Variants in ZFAND3 observed in about 807,000 individuals in gnomAD.
The protein encoded by ZFAND3 is AN1-type zinc finger protein 3.
ZFAND3 carries 10 observed loss-of-function variants against 29.6 expected under a neutral mutation model. That is an observed-to-expected ratio of 0.34 (90% CI 0.21 to 0.57). The LOEUF is 0.57. Ranked by LOEUF, ZFAND3 falls within the 20% of genes least tolerant of loss-of-function variation. The probability of loss-of-function intolerance (pLI) is 0.86; values close to 1 mark genes in which losing one functional copy is unlikely to be tolerated. For missense variants in ZFAND3, 230 were observed against 304.5 expected, an observed-to-expected ratio of 0.76 and a Z score of 1.82; for synonymous variants, 128 against 112.6, an observed-to-expected ratio of 1.14 and a Z score of -0.87.
At chr6:37,927,871 A>G (rs1398855701) in intron 1 of ZFAND3, among the ~76,000 whole-genome samples, 1 of 152,246 alleles carries the variant, frequency 6.6e-6, no homozygotes, top group East Asian at 1.9e-4. Flanking sequence ...AGGTGTTGGA[A>G]TTAGACCAGA....
At chr6:38,106,911 T>C (rs1337716089) in intron 4 of ZFAND3, among the ~76,000 whole-genome samples, 1 of 152,198 alleles carries the variant, frequency 6.6e-6, no homozygotes, top group Non-Finnish European at 1.5e-5. Context: ...ACAGATCAAA[T>C]AAACTGGGAA....
intron 1 of ZFAND3, among the ~76,000 whole-genome samples, chr6:37,836,463 T>C (rs1381430257): frequency 1.3e-5 from 2 of 152,122 alleles, no homozygotes; most frequent in East Asian, 1.9e-4. Context: ...GGAGGTGATA[T>C]TTCAATGAAG....
At chr6:37,999,995 A>G (rs1762916899) in intron 2 of ZFAND3, among the ~76,000 whole-genome samples, 1 of 152,338 alleles carries the variant, frequency 6.6e-6, no homozygotes, top group Non-Finnish European at 1.5e-5. Flanking sequence ...ACTAAAAAAT[A>G]AAGCTTTATA....
intron 5 of ZFAND3, among the ~76,000 whole-genome samples, chr6:38,138,797 A>G (rs544239625): frequency 1.3e-5 from 2 of 152,360 alleles, no homozygotes; most frequent in Admixed American, 6.5e-5. Context: ...GAGATAAACT[A>G]ACAGAGGTCA....
intron 2 of ZFAND3, among the ~76,000 whole-genome samples, chr6:38,036,233 C>A (rs1763654265): frequency 6.6e-6 from 1 of 152,126 alleles, no homozygotes; most frequent in Admixed American, 6.5e-5. Flanking sequence ...TTTATGTGAA[C>A]CCAGGGGTGA....
At chr6:38,100,523 A>C (rs1240391392) in intron 4 of ZFAND3, among the ~76,000 whole-genome samples, 2 of 152,226 alleles carry the variant, frequency 1.3e-5, no homozygotes, top group African/African-American at 4.8e-5. Flanking sequence ...GTGAGTAATC[A>C]CTGAAGTGTA....
chr6:38,150,271 A>G (rs1163554825), intron 5 of ZFAND3, among the ~76,000 whole-genome samples: 1 of 152,220 alleles, frequency 6.6e-6, no homozygotes, highest in Non-Finnish European at 1.5e-5. Flanking sequence ...CAGAAATTGC[A>G]TCTCTGTTCT....
At position 38,013,739 on chromosome 6, in the gene ZFAND3, A is replaced by AC. The variant is rs138268556; in HGVS notation, c.113-47854_113-47853insC. On this transcript the variant is annotated intron_variant, in intron 2 of 5. Transcript: ENST00000287218. The stretch of plus-strand genomic sequence containing the variant: ...AAAACTGGAGAGTTAAAAAAAAAAC[A>AC]AAAAAAACCTCCAATGTCCAGGTTA... Among the ~76,000 whole-genome samples, 8 of 149,170 alleles carry AC rather than the reference A, an allele frequency of 5.4e-5. No homozygotes were observed. In the South Asian group the frequency reaches 1.1e-3, roughly 20 times the overall value.
chr6:38,056,056 GA>G (rs1162550339), intron 2 of ZFAND3, among the ~76,000 whole-genome samples: 4 of 152,146 alleles, frequency 2.6e-5, no homozygotes, highest in African/African-American at 9.7e-5. Flanking sequence ...AATAGAATTT[GA>G]TAATACGTAC....
chr6:37,960,157 T>C (rs1762170330), intron 2 of ZFAND3, among the ~76,000 whole-genome samples: 5 of 152,222 alleles, frequency 3.3e-5, no homozygotes, highest in Admixed American at 2.6e-4. Context: ...TAGCCCTACT[T>C]ATTTTTCTGA....
intron 5 of ZFAND3, among the ~76,000 whole-genome samples, chr6:38,131,549 G>GAGTA (rs1278587600): frequency 6.6e-6 from 1 of 152,212 alleles, no homozygotes; most frequent in Non-Finnish European, 1.5e-5. Context: ...AATTGCAAAT[G>GAGTA]AGTAGTACCC....
intron 2 of ZFAND3, among the ~76,000 whole-genome samples, chr6:37,958,614 T>C (rs1762142790): frequency 6.6e-6 from 1 of 152,168 alleles, no homozygotes; most frequent in African/African-American, 2.4e-5. Flanking sequence ...AATTGACTTA[T>C]ACTTAGGGAA....
chr6:37,968,823 C>G (rs917556800), intron 2 of ZFAND3, among the ~76,000 whole-genome samples: 1 of 152,230 alleles, frequency 6.6e-6, no homozygotes, highest in South Asian at 2.1e-4. Context: ...CGCAAGCCAC[C>G]ATGCCCAGTT....
chr6:38,124,318 C>T (rs925426969), intron 5 of ZFAND3, among the ~76,000 whole-genome samples: 1 of 152,246 alleles, frequency 6.6e-6, no homozygotes, highest in Non-Finnish European at 1.5e-5. Context: ...AGTCCCGCGC[C>T]ATGCGCCCGC....
intron 2 of ZFAND3, among the ~76,000 whole-genome samples, chr6:38,033,461 C>T (rs1007855148): frequency 6.6e-6 from 1 of 152,054 alleles, no homozygotes; most frequent in African/African-American, 2.4e-5. Flanking sequence ...TGCAACCTTC[C>T]CCTCGTCACC....
At chr6:37,834,292 A>T (rs920263034) in intron 1 of ZFAND3, among the ~76,000 whole-genome samples, 2 of 152,154 alleles carry the variant, frequency 1.3e-5, no homozygotes, top group African/African-American at 4.8e-5. Flanking sequence ...TTTATATAGT[A>T]ATAAGCATTT....
intron 1 of ZFAND3, among the ~76,000 whole-genome samples, chr6:37,869,664 G>A: frequency 6.6e-6 from 1 of 151,026 alleles, no homozygotes; most frequent in East Asian, 2.0e-4. Flanking sequence ...GCACACCATT[G>A]TGCCTGGCTA....
At chr6:37,929,606 A>G (rs1027581509) in intron 1 of ZFAND3, among the ~76,000 whole-genome samples, 14 of 152,222 alleles carry the variant, frequency 9.2e-5, no homozygotes, top group Non-Finnish European at 4.4e-5. Flanking sequence ...TGTGGTAATC[A>G]TGTGGTTTAA....
chr6:38,116,433 A>G, intron 4 of ZFAND3, 139 bp from the exon 5 acceptor site: 1 of 969,354 alleles, frequency 1.0e-6, no homozygotes, highest in Non-Finnish European at 1.5e-6. Context: ...AAACCAAGCA[A>G]GTCAGAACTG....
Sources: allele counts gnomAD v4.1 joint callset (sites outside exome capture counted in the v4.1 genomes callset), GRCh38; gene constraint gnomAD v4.1.1; transcripts MANE v1.5; gene names NCBI Gene and HGNC (gene_info 2026-07-23, HGNC 2026-07-21).